Variants in PLA2G4C observed in about 807,000 individuals in gnomAD.
PLA2G4C encodes the protein cytosolic phospholipase A2 gamma.
Under a neutral mutation model 73.8 loss-of-function variants are expected in PLA2G4C, and 64 were observed. That is an observed-to-expected ratio of 0.87 (90% confidence interval 0.71 to 1.07). PLA2G4C has a LOEUF of 1.07. Among genes scored for constraint, PLA2G4C ranks in the 50% least tolerant of loss-of-function variants. The pLI, the probability that PLA2G4C is intolerant of heterozygous loss-of-function variation, is 0.00. For missense variants in PLA2G4C, 622 were observed against 665.4 expected (o/e 0.93, Z 0.72); for synonymous variants, 254 against 252.1 (o/e 1.01, Z -0.07).
chr19:48,099,734 C>T lies in PLA2G4C; in HGVS notation c.384G>A (p.Arg128=). The part of the protein sequence containing the change: ...KSLQKTIQAA[R]SENYSLTDFW... ...AGTCGGTCAGAGAGTAATTCTCAGA[C>T]CTCGCTGCTTGGATGGTTTTCTGTA... The change falls in exon 5 of 17, where the codon AGG becomes AGA. Residue 128 remains arginine (R), a synonymous_variant. Transcript: ENST00000599921. 1.9e-6 allele frequency: 3 copies of T among 1,614,084 alleles called. 1 individual carries two copies. The highest frequency in any genetic ancestry group is 2.2e-5 in the South Asian group (2 of 91,078).
intron 4 of PLA2G4C, 172 bp from the exon 5 acceptor site, chr19:48,100,032 T>C (rs1444234627): frequency 2.0e-6 from 1 of 502,902 alleles, no homozygotes; most frequent in Non-Finnish European, 3.5e-6. Flanking sequence ...AACGATCAAG[T>C]TCGAAGGAGG....
rs2032443597 is a variant in PLA2G4C, at chr19:48,110,508, G to T, written c.-54C>A. The T allele has an allele frequency of 9.5e-7, 1 of 1,051,006 alleles. No individual in the cohort carries two copies. Among genetic ancestry groups the T allele is most frequent in the Non-Finnish European group, 1.2e-6 (1 of 840,366 alleles). 65.1% of individuals were successfully genotyped at this position (1,051,006 alleles called of 1,614,324 possible). A position where few individuals can be genotyped will look rare whatever the true frequency, so the allele number is the denominator to read the frequency against. On this transcript the variant is annotated 5_prime_UTR_variant, in exon 1 of 17. Coordinates refer to ENST00000599921, the MANE Select transcript of PLA2G4C (RefSeq NM_003706.3). ...TTGCCTGAGCCTGGGTCTGGGGCGT[G>T]TGCGCATGCGCGGTGGAGCTTGTGC... is the stretch of plus-strand genomic sequence containing the variant.
chr19:48,085,667 C>G (rs1257004370), intron 9 of PLA2G4C, among the ~76,000 whole-genome samples: 1 of 152,084 alleles, frequency 6.6e-6, no homozygotes, highest in Non-Finnish European at 1.5e-5. Flanking sequence ...AGGAATTAGA[C>G]AGGAAATCTG....
intron 5 of PLA2G4C, among the ~76,000 whole-genome samples, chr19:48,098,764 C>T (rs1032478536): frequency 3.3e-4 from 40 of 120,986 alleles, no homozygotes; most frequent in Non-Finnish European, 5.8e-4. Flanking sequence ...TTGTCAGGCC[C>T]AGTGGTGCGT....
At chr19:48,099,088 C>A (rs1203425992) in intron 5 of PLA2G4C, among the ~76,000 whole-genome samples, 3 of 125,922 alleles carry the variant, frequency 2.4e-5, no homozygotes, top group African/African-American at 9.5e-5. Context: ...AGCAAGATCC[C>A]TGTCTCTACA....
intron 16 of PLA2G4C, chr19:48,051,869 T>C (rs1392193542): frequency 6.9e-6 from 1 of 144,766 alleles, no homozygotes; most frequent in African/African-American, 2.6e-5. Context: ...GCTTTCAGCT[T>C]AATTTTTTTT....
intron 1 of PLA2G4C, among the ~76,000 whole-genome samples, chr19:48,109,888 A>G (rs2032405410): frequency 6.6e-6 from 1 of 150,830 alleles, no homozygotes; most frequent in South Asian, 2.1e-4. Flanking sequence ...TGACCTCAGG[A>G]TCCGCCCGCC....
In PLA2G4C at chr19:48,106,498, G is replaced by A. The variant is rs778396816; in HGVS notation, c.8+24C>T. On this transcript the variant is annotated intron_variant, in intron 2 of 16. Transcript: ENST00000599921. ...TACACAAATGCTCTGCTTCCCCATAGTGGTCAGCTCTAAGAGGACTTACCT... is the reference window on the plus strand; with the variant it reads ...TACACAAATGCTCTGCTTCCCCATAATGGTCAGCTCTAAGAGGACTTACCT... 3 of 1,573,904 alleles carry A rather than the reference G, an allele frequency of 1.9e-6. No homozygotes were observed. In the South Asian group the frequency reaches 3.3e-5, roughly 17 times the overall value.
chr19:48,090,088 C>T, intron 8 of PLA2G4C: 1 of 432,370 alleles, frequency 2.3e-6, no homozygotes, highest in East Asian at 4.0e-5. Flanking sequence ...CCGCATGGCA[C>T]AGAGGCAGAA....
chr19:48,087,866 G>A lies in PLA2G4C; in HGVS notation c.790+820C>T, dbSNP rs543199513. On this transcript the variant is annotated intron_variant, in intron 9 of 16. Coordinates refer to ENST00000599921, the MANE Select transcript of PLA2G4C (RefSeq NM_003706.3). ...GGAGAATTCCTTGAACCTGGGAGGCGGAGGTTGTGGGGTGAGCTGAGATCA... is the reference window on the plus strand; with the variant it reads ...GGAGAATTCCTTGAACCTGGGAGGCAGAGGTTGTGGGGTGAGCTGAGATCA... 4.0e-5 allele frequency among the ~76,000 whole-genome samples: 6 copies of A among 151,846 alleles called. No homozygotes were observed. The East Asian group carries it at 7.7e-4, about 20-fold the overall frequency.
At chr19:48,105,103 AAGAAAGAAAAG>A (rs1443554698) in intron 3 of PLA2G4C, among the ~76,000 whole-genome samples, 1 of 142,950 alleles carries the variant, frequency 7.0e-6, no homozygotes, top group Non-Finnish European at 1.5e-5. Flanking sequence ...AAAAAAAAAA[AAGAAAGAAAAG>A]AAAAGAAAAA....
At chr19:48,062,435 C>T (rs1478591422) in intron 13 of PLA2G4C, among the ~76,000 whole-genome samples, 1 of 151,998 alleles carries the variant, frequency 6.6e-6, no homozygotes, top group African/African-American at 2.4e-5. Context: ...CACAGTGAAA[C>T]CCTGTCTCTA....
Position 48,088,726 on chromosome 19 carries a change from G to A in PLA2G4C, c.764-14C>T, listed in dbSNP as rs1012970845. On this transcript the variant is annotated splice_polypyrimidine_tract_variant and intron_variant, in intron 8 of 16. Transcript: ENST00000599921. ...TCCTTAACTGGTCTGCAAAAGAGTA[G>A]AAGCAGGAGGAATGTTTATCTGTAC... 1.9e-6 allele frequency: 3 copies of A among 1,587,894 alleles called. No homozygotes were observed. The highest frequency in any genetic ancestry group is 3.3e-5 in the Admixed American group (2 of 59,982).
At position 48,110,494 on chromosome 19, in the gene PLA2G4C, TG is replaced by T. The variant is rs762406323; in HGVS notation, c.-41del. 1.4e-5 allele frequency: 18 copies of T among 1,259,006 alleles called. 1 individual carries two copies. The South Asian group carries it at 2.0e-4, about 14-fold the overall frequency. The allele number at this position is 1,259,006 out of a possible 1,614,324, so 78.0% of individuals were successfully genotyped here. ...CCTGCCCCCACGGCTTGCCTGAGCC[TG>T]GGTCTGGGGCGTGTGCGCATGCGCG... On this transcript the variant is annotated 5_prime_UTR_variant, in exon 1 of 17. It introduces an in-frame stop codon into an upstream open reading frame of the 5' UTR. Transcript: ENST00000599921.
At position 48,048,216 on chromosome 19, in the gene PLA2G4C, G is replaced by A; in HGVS notation, c.*127C>T. On this transcript the variant is annotated 3_prime_UTR_variant, in exon 17 of 17. Coordinates refer to ENST00000599921, the MANE Select transcript of PLA2G4C (RefSeq NM_003706.3). ...TGGTCACTGGTGATTGGCCCTGTTAGGACAGCCAAGGTGAACTCAAGGCCA... is the reference window on the plus strand; with the variant it reads ...TGGTCACTGGTGATTGGCCCTGTTAAGACAGCCAAGGTGAACTCAAGGCCA... 1.5e-6 allele frequency: 1 copy of A among 674,760 alleles called. No individual in the cohort carries two copies. 41.8% of individuals were successfully genotyped at this position (674,760 alleles called of 1,614,324 possible). A position where few individuals can be genotyped will look rare whatever the true frequency, so the allele number is the denominator to read the frequency against.
intron 7 of PLA2G4C, among the ~76,000 whole-genome samples, chr19:48,095,192 A>G (rs2031503415): frequency 6.6e-6 from 1 of 152,128 alleles, no homozygotes. Flanking sequence ...TGCTTATTGG[A>G]AGCCACAGCC....
At chr19:48,102,918 T>G (rs1362525749) in intron 4 of PLA2G4C, among the ~76,000 whole-genome samples, 1 of 152,216 alleles carries the variant, frequency 6.6e-6, no homozygotes, top group Non-Finnish European at 1.5e-5. Context: ...GTCTTCATCG[T>G]CCACACTTAC....
In PLA2G4C at chr19:48,054,882, A is replaced by G. The variant is rs761721195; in HGVS notation, c.1425T>C (p.Cys475=). The change falls in exon 15 of 17, where the codon TGT becomes TGC. Residue 475 remains cysteine (C), a synonymous_variant. Transcript: ENST00000599921. ...MHFPLFNIDA[C]GGDIEAWSDT... ...CTGCTCCTCCCCTGCACCTACCTCCACAGGCATCTATGTTGAACAGGGGAA... is the reference window on the plus strand; with the variant it reads ...CTGCTCCTCCCCTGCACCTACCTCCGCAGGCATCTATGTTGAACAGGGGAA... The G allele has an allele frequency of 2.5e-6, 4 of 1,613,896 alleles. No individual in the cohort carries two copies. The Admixed American group carries it at 6.7e-5, about 27-fold the overall frequency.
At chr19:48,055,884 A>G (rs1276987209) in intron 14 of PLA2G4C, among the ~76,000 whole-genome samples, 1 of 152,008 alleles carries the variant, frequency 6.6e-6, no homozygotes, top group African/African-American at 2.4e-5. Context: ...TCAGTCTCCC[A>G]AAGTGCTGGG....
Sources: allele counts gnomAD v4.1 joint callset (sites outside exome capture counted in the v4.1 genomes callset), GRCh38; gene constraint gnomAD v4.1.1; transcripts MANE v1.5; gene names NCBI Gene and HGNC (gene_info 2026-07-23, HGNC 2026-07-21).